The following FKTN variants were observed in gnomAD, a reference collection of about 807,000 sequenced individuals.
FKTN encodes fukutin.
FKTN carries 47 observed loss-of-function variants against 58.6 expected under a neutral mutation model. The ratio of observed to expected loss-of-function variants is 0.80; its 90% confidence interval spans 0.63 to 1.02. The LOEUF (loss-of-function observed/expected upper bound fraction) is 1.02. Among genes scored for constraint, FKTN ranks in the 50% least tolerant of loss-of-function variants. The pLI, the probability that FKTN is intolerant of heterozygous loss-of-function variation, is 0.00. For missense variants in FKTN, 516 were observed against 537.3 expected (o/e 0.96, Z 0.39); for synonymous variants, 178 against 191.9 (o/e 0.93, Z 0.60).
intron 3 of FKTN, among the ~76,000 whole-genome samples, chr9:105,595,545 A>G (rs1456236170): frequency 2.0e-5 from 3 of 152,198 alleles, no homozygotes; most frequent in Non-Finnish European, 4.4e-5. Context: ...TTAAAATGTT[A>G]TTGGCTAAGT....
At chr9:105,597,307 C>G (rs924551255) in intron 4 of FKTN, among the ~76,000 whole-genome samples, 1 of 152,086 alleles carries the variant, frequency 6.6e-6, no homozygotes, top group African/African-American at 2.4e-5. Context: ...ATGTGGAACA[C>G]TTTAAATTAG....
chr9:105,564,554 G>C (rs1838997788), intron 1 of FKTN, among the ~76,000 whole-genome samples: 1 of 152,200 alleles, frequency 6.6e-6, no homozygotes, highest in Non-Finnish European at 1.5e-5. Context: ...ATCAGTGATG[G>C]AAGATCAAAT....
intron 3 of FKTN, 67 bp downstream of exon 3, chr9:105,575,204 C>G (rs1841451343): frequency 1.1e-6 from 1 of 923,306 alleles, no homozygotes; most frequent in Non-Finnish European, 1.8e-6. Context: ...GATCACACTT[C>G]TCTTTGCAAT....
intron 1 of FKTN, among the ~76,000 whole-genome samples, chr9:105,566,839 CA>C (rs375897617): frequency 6.6e-6 from 1 of 151,880 alleles, no homozygotes; most frequent in African/African-American, 2.4e-5. Context: ...AGAGACATAA[CA>C]AAAAAAGAGA....
chr9:105,634,138 G>T (rs1021226997), intron 10 of FKTN, among the ~76,000 whole-genome samples: 12 of 145,384 alleles, frequency 8.3e-5, no homozygotes, highest in African/African-American at 2.3e-4. Flanking sequence ...TGTTTGTTTT[G>T]TTTTTTTTTT....
At position 105,618,111 on chromosome 9, in the gene FKTN, C is replaced by A. The variant is rs2133164189; in HGVS notation, c.1044+19C>A. 8 of 1,605,610 alleles carry A rather than the reference C, an allele frequency of 5.0e-6. No individual in the cohort carries two copies. The highest frequency in any genetic ancestry group is 6.0e-6 in the Non-Finnish European group (7 of 1,172,352). On this transcript the variant is annotated intron_variant, in intron 9 of 10. Coordinates refer to ENST00000357998, the MANE Select transcript of FKTN (RefSeq NM_001079802.2). Reference sequence around the variant, plus strand: ...TGGGAAGGTCAGTAACAAAAGTCGGCTTCATTTCATAAGTAACATATCTCA... The same window carrying A: ...TGGGAAGGTCAGTAACAAAAGTCGGATTCATTTCATAAGTAACATATCTCA...
In FKTN at chr9:105,618,020, A is replaced by G. The variant is rs769691253; in HGVS notation, c.972A>G (p.Ile324Met). The change falls in exon 9 of 11, where the codon ATA becomes ATG. Residue 324 changes from isoleucine (I) to methionine (M), a missense_variant. By Grantham distance (10) the Ile-to-Met change is conservative (BLOSUM62 1). Transcript: ENST00000357998. Reference sequence around the variant, plus strand: ...AAGATGTTGACCTAGGAATTTTTATACAAGATTACAAATCTGATATTATTT... The same window carrying G: ...AAGATGTTGACCTAGGAATTTTTATGCAAGATTACAAATCTGATATTATTT... ...YSKDVDLGIF[I>M]QDYKSDIILA... is the part of the protein sequence containing the mutation. The G allele has an allele frequency of 1.9e-6, 3 of 1,599,406 alleles. No individual in the cohort carries two copies. The highest frequency in any genetic ancestry group is 1.7e-5 in the Admixed American group (1 of 60,002).
intron 3 of FKTN, 28 bp downstream of exon 3, chr9:105,575,165 TC>T: frequency 8.6e-7 from 1 of 1,156,654 alleles, no homozygotes; most frequent in Non-Finnish European, 1.3e-6. Flanking sequence ...TTCTTATCAT[TC>T]CTCCTTTCTT....
chr9:105,597,600 A>G (rs1827044409), intron 4 of FKTN, among the ~76,000 whole-genome samples: 1 of 152,086 alleles, frequency 6.6e-6, no homozygotes, highest in South Asian at 2.1e-4. Flanking sequence ...AAAAAGAGGT[A>G]TTTTGTATGC....
At chr9:105,596,897 A>C (rs1342446995) in intron 4 of FKTN, among the ~76,000 whole-genome samples, 2 of 152,214 alleles carry the variant, frequency 1.3e-5, no homozygotes, top group Non-Finnish European at 2.9e-5. Flanking sequence ...ACTTAGAGAG[A>C]TTAAACTTAG....
In FKTN at chr9:105,601,345, T is replaced by G. The variant is rs150591365; in HGVS notation, c.366T>G (p.Asn122Lys). 4.4e-6 allele frequency: 7 copies of G among 1,590,630 alleles called. No homozygotes were observed. Among genetic ancestry groups the G allele is most frequent in the South Asian group, 3.3e-5 (3 of 90,678 alleles). The change falls in exon 5 of 11, where the codon AAT (asparagine) becomes AAG (lysine). Residue 122 changes from asparagine (N) to lysine (K), a missense_variant. Physicochemically the swap from Asn to Lys is moderately conservative, Grantham distance 94. Transcript: ENST00000357998. ...CACTGCAGTATCACCTATGGAAGAA[T>G]GAGGTAAGTGACTTGCTTTCAGATA... ...AFALQYHLWK[N>K]EEGWFRIAEN... is the part of the protein sequence containing the mutation.
At chr9:105,621,599 G>A (rs901294776) in intron 10 of FKTN, among the ~76,000 whole-genome samples, 1 of 151,760 alleles carries the variant, frequency 6.6e-6, no homozygotes, top group Non-Finnish European at 1.5e-5. Flanking sequence ...CATTTCTTAT[G>A]TATCCTTTCC....
At chr9:105,559,940 G>A (rs1564176824) in intron 1 of FKTN, among the ~76,000 whole-genome samples, 3 of 152,088 alleles carry the variant, frequency 2.0e-5, no homozygotes, top group Non-Finnish European at 4.4e-5. Context: ...CTAAGAGCAA[G>A]GAAGGAGTTC....
chr9:105,566,212 T>G (rs1589204175), intron 1 of FKTN, among the ~76,000 whole-genome samples: 1 of 152,064 alleles, frequency 6.6e-6, no homozygotes, highest in Non-Finnish European at 1.5e-5. Context: ...GATCTAAAAT[T>G]GACACCCTAA....
At chr9:105,614,146 T>A (rs951278177) in intron 7 of FKTN, among the ~76,000 whole-genome samples, 2 of 152,168 alleles carry the variant, frequency 1.3e-5, no homozygotes, top group Non-Finnish European at 2.9e-5. Context: ...GAAGTTTAGA[T>A]TTTGTCCCAC....
chr9:105,596,600 TG>T lies in FKTN; in HGVS notation c.110del (p.Gly37GlufsTer28). 6.2e-7 allele frequency: 1 copy of T among 1,611,510 alleles called. No individual in the cohort carries two copies. The highest frequency in any genetic ancestry group is 8.5e-7 in the Non-Finnish European group (1 of 1,177,830). On this transcript the variant is annotated frameshift_variant, in exon 4 of 11. Transcript: ENST00000357998. LOFTEE classifies it high-confidence loss of function. ...AAGTTCTTTTGTTGTCTTCCTAGAA[TG>T]GAGCTGGTTTGTCAAAATCCAAAGG... ...YYKHYLSTKN[G>X]AGLSKSKGSR...
At chr9:105,604,155 G>T in intron 5 of FKTN, 60 bp from the exon 6 acceptor site, 1 of 1,555,560 alleles carries the variant, frequency 6.4e-7, no homozygotes, top group African/African-American at 1.4e-5. Flanking sequence ...CTAGTATTTG[G>T]CTTTAAATAT....
At chr9:105,622,562 C>T (rs753635554) in intron 10 of FKTN, among the ~76,000 whole-genome samples, 8 of 151,748 alleles carry the variant, frequency 5.3e-5, no homozygotes, top group Admixed American at 2.6e-4. Flanking sequence ...CCTGTGGGTT[C>T]GGTATTCTCA....
At chr9:105,581,412 T>A (rs1842869352) in intron 3 of FKTN, among the ~76,000 whole-genome samples, 2 of 148,668 alleles carry the variant, frequency 1.3e-5, no homozygotes, top group Non-Finnish European at 3.0e-5. Context: ...GCAGGTCTGT[T>A]GGAGTACCCT....
Sources: gnomAD v4.1 joint callset for allele counts (sites outside exome capture counted in the v4.1 genomes callset) on GRCh38, gnomAD v4.1.1 for gene constraint, MANE v1.5 for transcripts, NCBI Gene and HGNC (gene_info 2026-07-23, HGNC 2026-07-21) for gene names.